CNGA3: variants seen among roughly 807,000 people sequenced by gnomAD.
CNGA3 encodes cyclic nucleotide-gated channel alpha-3.
A neutral mutation model predicts 46.6 loss-of-function variants in CNGA3; 42 were observed. The observed-to-expected ratio is 0.90, with a 90% confidence interval of 0.70 to 1.17. The LOEUF (loss-of-function observed/expected upper bound fraction) is 1.17, where lower values mean the gene tolerates loss of function less well. CNGA3 is among the 50% of genes most tolerant of loss of function. The probability of loss-of-function intolerance (pLI) is 0.00; values close to 1 mark genes in which losing one functional copy is unlikely to be tolerated. For synonymous variants in CNGA3, 394 were observed against 369.4 expected (o/e 1.07, Z -0.76); for missense variants, 893 against 890.7 (o/e 1.00, Z -0.03).
At chr2:98,372,607 T>A (rs1430174164) in intron 2 of CNGA3, among the ~76,000 whole-genome samples, 2 of 152,158 alleles carry the variant, frequency 1.3e-5, no homozygotes, top group East Asian at 3.9e-4. Flanking sequence ...CTATGAAAAG[T>A]TGCTCAGTGG....
chr2:98,358,893 G>A (rs1408460124), intron 1 of CNGA3, among the ~76,000 whole-genome samples: 2 of 152,166 alleles, frequency 1.3e-5, no homozygotes, highest in Admixed American at 1.3e-4. Flanking sequence ...AAACCTTGAG[G>A]GACTTGGGTC....
At chr2:98,369,853 C>T (rs1028239147) in intron 1 of CNGA3, 86 bp from the exon 2 acceptor site, 86 of 811,568 alleles carry the variant, frequency 1.1e-4, no homozygotes, top group Admixed American at 9.2e-4. Flanking sequence ...AGGGGGGCCG[C>T]GTGCGGTAGC....
At chr2:98,351,988 G>A (rs561904177) in intron 1 of CNGA3, among the ~76,000 whole-genome samples, 17 of 152,176 alleles carry the variant, frequency 1.1e-4, no homozygotes, top group South Asian at 8.3e-4. Flanking sequence ...AAGGGACCCC[G>A]TATCCATTAG....
At chr2:98,351,791 G>A (rs757569454) in intron 1 of CNGA3, among the ~76,000 whole-genome samples, 1 of 152,006 alleles carries the variant, frequency 6.6e-6, no homozygotes, top group Non-Finnish European at 1.5e-5. Flanking sequence ...GTTTCTTGTA[G>A]CTGATATTGT....
At chr2:98,373,790 A>G (rs1692342472) in intron 2 of CNGA3, among the ~76,000 whole-genome samples, 1 of 152,222 alleles carries the variant, frequency 6.6e-6, no homozygotes, top group Middle Eastern at 3.2e-3. Context: ...ACTGAGGGCA[A>G]CTTAAATCCC....
chr2:98,378,083 C>CA (rs1198288122), intron 3 of CNGA3: 2 of 1,550,636 alleles, frequency 1.3e-6, no homozygotes, highest in Non-Finnish European at 1.7e-6. Context: ...GAAAAAAAGC[C>CA]AACCGGAGAA....
chr2:98,387,942 A>G (rs563692831), intron 5 of CNGA3, among the ~76,000 whole-genome samples: 1 of 152,312 alleles, frequency 6.6e-6, no homozygotes, highest in South Asian at 2.1e-4. Flanking sequence ...GTACTACCTC[A>G]AAACGTCTCC....
At chr2:98,377,616 CA>C in intron 2 of CNGA3, 70 bp from the exon 3 acceptor site, 1 of 1,399,420 alleles carries the variant, frequency 7.1e-7, no homozygotes, top group Non-Finnish European at 9.9e-7. Context: ...CTGACTGTCT[CA>C]CTCCTGGCTG....
At chr2:98,377,962 C>G (rs1194264390) in intron 3 of CNGA3, 162 bp downstream of exon 3, 10 of 1,405,810 alleles carry the variant, frequency 7.1e-6, no homozygotes, top group Non-Finnish European at 9.6e-6. Context: ...GAGTAATTTC[C>G]TCTTGGGTCA....
At position 98,373,148 on chromosome 2, in the gene CNGA3, C is replaced by G. The variant is rs1241236525; in HGVS notation, c.101+3072C>G. On this transcript the variant is annotated intron_variant, in intron 2 of 7. Transcript: ENST00000272602. ...GCAGCCTCAGGGATGGAGGCTGGGC[C>G]CAGCCCCTCCCCTGCTTCCCAGCCC... 2.0e-5 allele frequency among the ~76,000 whole-genome samples: 3 copies of G among 152,226 alleles called. No homozygotes were observed. The East Asian group carries it at 5.8e-4, about 29-fold the overall frequency.
intron 5 of CNGA3, among the ~76,000 whole-genome samples, chr2:98,385,293 A>G (rs942618804): frequency 3.3e-5 from 5 of 152,244 alleles, no homozygotes; most frequent in African/African-American, 1.2e-4. Flanking sequence ...CCAGTGCCTG[A>G]AAAGAGACCA....
chr2:98,396,104 A>G lies in CNGA3; in HGVS notation c.934A>G (p.Ile312Val). 1 of 1,614,176 alleles carries G rather than the reference A, an allele frequency of 6.2e-7. No individual in the cohort carries two copies. The highest frequency in any genetic ancestry group is 8.5e-7 in the Non-Finnish European group (1 of 1,180,020). ...TGGGAACTTGGTCTTGTACATTCTC[A>G]TCATCATCCACTGGAATGCCTGCAT... ...RIGNLVLYIL[I>V]IIHWNACIYF... The change falls in exon 8 of 8, where the codon ATC becomes GTC. Residue 312 changes from isoleucine (I) to valine (V), a missense_variant. Transcript: ENST00000272602.
chr2:98,376,926 G>A (rs771806734), intron 2 of CNGA3, among the ~76,000 whole-genome samples: 1 of 152,204 alleles, frequency 6.6e-6, no homozygotes, highest in African/African-American at 2.4e-5. Flanking sequence ...TGGTGTGACT[G>A]GTGGTTGTAT....
chr2:98,387,333 C>G (rs1242726957), intron 5 of CNGA3, among the ~76,000 whole-genome samples: 1 of 152,130 alleles, frequency 6.6e-6, no homozygotes, highest in African/African-American at 2.4e-5. Context: ...GTGAATGGAT[C>G]TTTTTCAATG....
chr2:98,379,487 C>T (rs1692489949), intron 3 of CNGA3, among the ~76,000 whole-genome samples: 1 of 152,122 alleles, frequency 6.6e-6, no homozygotes, highest in African/African-American at 2.4e-5. Flanking sequence ...GCCCGTGTGT[C>T]TCAGATGAGC....
intron 1 of CNGA3, among the ~76,000 whole-genome samples, chr2:98,365,336 C>A (rs1171358717): frequency 6.6e-6 from 1 of 152,194 alleles, no homozygotes; most frequent in Non-Finnish European, 1.5e-5. Flanking sequence ...CTGCCCTTAA[C>A]ATTTTTTCCT....
chr2:98,379,783 T>C (rs1159061323), intron 3 of CNGA3: 2 of 245,084 alleles, frequency 8.2e-6, no homozygotes, highest in African/African-American at 2.2e-5. Context: ...GAAACCCACA[T>C]TGCTTTACTC....
At chr2:98,379,316 C>G (rs1453012406) in intron 3 of CNGA3, among the ~76,000 whole-genome samples, 1 of 152,266 alleles carries the variant, frequency 6.6e-6, no homozygotes. Context: ...AGTACTGACT[C>G]TGGCTCGGGA....
intron 3 of CNGA3, among the ~76,000 whole-genome samples, chr2:98,378,521 C>G (rs1692464868): frequency 6.6e-6 from 1 of 152,178 alleles, no homozygotes; most frequent in South Asian, 2.1e-4. Flanking sequence ...ATGTTCTAAA[C>G]TTTTTACTTA....
Sources: allele counts gnomAD v4.1 joint callset (sites outside exome capture counted in the v4.1 genomes callset), GRCh38; gene constraint gnomAD v4.1.1; transcripts MANE v1.5; gene names NCBI Gene and HGNC (gene_info 2026-07-23, HGNC 2026-07-21).